Variants in RAVER2 observed in about 807,000 individuals in gnomAD.
RAVER2 encodes ribonucleoprotein PTB-binding 2.
Under a neutral mutation model 78.1 loss-of-function variants are expected in RAVER2, and 46 were observed. The ratio of observed to expected loss-of-function variants is 0.59; its 90% CI spans 0.46 to 0.75. The LOEUF (loss-of-function observed/expected upper bound fraction) is 0.75, where lower values mean the gene tolerates loss of function less well. RAVER2 is among the 30% of genes least tolerant of loss of function. The probability of loss-of-function intolerance (pLI) is 0.00; values close to 1 mark genes in which losing one functional copy is unlikely to be tolerated. For synonymous variants in RAVER2, 311 were observed against 313.3 expected (o/e 0.99, Z 0.08); for missense variants, 793 against 837.5 (o/e 0.95, Z 0.66).
chr1:64,781,243 T>C (rs1652616593), intron 3 of RAVER2, 137 bp from the exon 4 acceptor site: 1 of 787,238 alleles, frequency 1.3e-6, no homozygotes. Flanking sequence ...GTAAACATTT[T>C]CATAAAGAAA....
chr1:64,783,408 T>TTTAATGA (rs1420221414), intron 4 of RAVER2, among the ~76,000 whole-genome samples: 20 of 152,238 alleles, frequency 1.3e-4, no homozygotes, highest in Non-Finnish European at 8.8e-5. Flanking sequence ...TTCCTGACTT[T>TTTAATGA]TTAATGATCG....
intron 5 of RAVER2, among the ~76,000 whole-genome samples, chr1:64,794,759 T>C (rs1038847981): frequency 2.0e-5 from 3 of 152,150 alleles, no homozygotes; most frequent in Non-Finnish European, 4.4e-5. Context: ...CTCTGTTGGA[T>C]ATATGGTTTG....
intron 1 of RAVER2, among the ~76,000 whole-genome samples, chr1:64,755,104 A>G (rs1186223487): frequency 1.3e-5 from 2 of 152,202 alleles, no homozygotes; most frequent in African/African-American, 4.8e-5. Flanking sequence ...ACAATGTAAT[A>G]TTTCCTCCTT....
intron 6 of RAVER2, among the ~76,000 whole-genome samples, chr1:64,804,177 G>T (rs192457565): frequency 6.6e-6 from 1 of 152,240 alleles, no homozygotes; most frequent in African/African-American, 2.4e-5. Context: ...ACAGCCTTCA[G>T]ATTGCAGTAC....
chr1:64,772,270 T>C (rs922415585), intron 2 of RAVER2, among the ~76,000 whole-genome samples: 2 of 152,158 alleles, frequency 1.3e-5, no homozygotes, highest in Admixed American at 6.6e-5. Flanking sequence ...TTCCCTACTG[T>C]CTGAACTTTT....
intron 2 of RAVER2, among the ~76,000 whole-genome samples, chr1:64,775,585 GT>G (rs1652438495): frequency 6.6e-6 from 1 of 152,176 alleles, no homozygotes; most frequent in Non-Finnish European, 1.5e-5. Flanking sequence ...CCACACAGGT[GT>G]TACTGTGTGT....
intron 5 of RAVER2, among the ~76,000 whole-genome samples, chr1:64,794,966 A>G (rs545893574): frequency 2.0e-5 from 3 of 152,038 alleles, no homozygotes; most frequent in Non-Finnish European, 2.9e-5. Context: ...ATTTAGGTCT[A>G]TGATCTATTT....
intron 11 of RAVER2, among the ~76,000 whole-genome samples, chr1:64,828,595 C>T (rs930052303): frequency 7.9e-5 from 12 of 151,712 alleles, no homozygotes; most frequent in Admixed American, 5.3e-4. Context: ...TTTGATAGGG[C>T]GTATCAGAAG....
intron 5 of RAVER2, among the ~76,000 whole-genome samples, chr1:64,791,862 A>C (rs1341948445): frequency 6.6e-6 from 1 of 152,198 alleles, no homozygotes; most frequent in African/African-American, 2.4e-5. Context: ...TCCTTCTTGC[A>C]TAATAAAAGC....
At chr1:64,830,733 T>C in intron 11 of RAVER2, 106 bp from the exon 12 acceptor site, 1 of 1,025,062 alleles carries the variant, frequency 9.8e-7, no homozygotes, top group Non-Finnish European at 1.4e-6. Context: ...TTTATCCTGT[T>C]ATTCTATATT....
At chr1:64,814,058 G>A (rs974602750) in intron 10 of RAVER2, among the ~76,000 whole-genome samples, 1 of 151,828 alleles carries the variant, frequency 6.6e-6, no homozygotes, top group African/African-American at 2.4e-5. Flanking sequence ...CGAGTAGGTG[G>A]GACTACAGGC....
At chr1:64,774,086 G>A (rs561791898) in intron 2 of RAVER2, among the ~76,000 whole-genome samples, 3 of 152,252 alleles carry the variant, frequency 2.0e-5, no homozygotes, top group Non-Finnish European at 4.4e-5. Context: ...TTAGCCCTTT[G>A]TCAGATGGAT....
intron 11 of RAVER2, among the ~76,000 whole-genome samples, chr1:64,826,713 T>C (rs1191558465): frequency 6.6e-6 from 1 of 152,146 alleles, no homozygotes; most frequent in Non-Finnish European, 1.5e-5. Context: ...CTAGCTGCTG[T>C]GTTAAATAAT....
intron 11 of RAVER2, among the ~76,000 whole-genome samples, chr1:64,820,694 A>G (rs996111113): frequency 3.3e-5 from 5 of 152,200 alleles, no homozygotes; most frequent in African/African-American, 1.2e-4. Flanking sequence ...TTAGTTTCCT[A>G]AGGATAAAAG....
chr1:64,792,915 A>G (rs1652983287), intron 5 of RAVER2, among the ~76,000 whole-genome samples: 2 of 152,200 alleles, frequency 1.3e-5, no homozygotes, highest in African/African-American at 4.8e-5. Flanking sequence ...AAGAATTGTA[A>G]TTCTTGGCTG....
At chr1:64,832,990 CAAAG>C (rs1557612260) in exon 12 of RAVER2, 1 of 168,868 alleles carries the variant, frequency 5.9e-6, no homozygotes, top group Non-Finnish European at 1.3e-5. Context: ...AACAAACAAA[CAAAG>C]GTGTCTGGAC....
chr1:64,794,688 A>C lies in RAVER2; in HGVS notation c.1105+5174A>C, dbSNP rs1653047474. Among the ~76,000 whole-genome samples, 3 of 152,238 alleles carry C rather than the reference A, an allele frequency of 2.0e-5. No homozygotes were observed. The South Asian group carries it at 6.2e-4, about 32-fold the overall frequency. On this transcript the variant is annotated intron_variant, in intron 5 of 11. Transcript: ENST00000294428. Reference sequence around the variant, plus strand: ...TTTCAAATATTTTGCACGTGTTAAAAACTGAGTTGTTTGTCTTCTTATCAA... The same window carrying C: ...TTTCAAATATTTTGCACGTGTTAAACACTGAGTTGTTTGTCTTCTTATCAA...
intron 1 of RAVER2, among the ~76,000 whole-genome samples, chr1:64,763,881 C>G (rs369289583): frequency 6.7e-6 from 1 of 149,950 alleles, no homozygotes; most frequent in Non-Finnish European, 1.5e-5. Context: ...CCAGCCTGGA[C>G]GACAAGAGTG....
Position 64,781,368 on chromosome 1 carries a change from G to A in RAVER2, c.787-12G>A, listed in dbSNP as rs1652621118. 6.4e-7 allele frequency: 1 copy of A among 1,561,800 alleles called. No homozygotes were observed. The highest frequency in any genetic ancestry group is 8.7e-7 in the Non-Finnish European group (1 of 1,152,356). ...GATCGGAATTACTGTTTAATAGAAT[G>A]TATTGTATCAGCTTGCACAGGATGA... On this transcript the variant is annotated splice_polypyrimidine_tract_variant and intron_variant, in intron 3 of 11. Coordinates refer to ENST00000294428, the Ensembl canonical transcript of RAVER2.
Sources: gnomAD v4.1 joint callset for allele counts (sites outside exome capture counted in the v4.1 genomes callset) on GRCh38, gnomAD v4.1.1 for gene constraint, MANE v1.5 for transcripts, NCBI Gene and HGNC (gene_info 2026-07-23, HGNC 2026-07-21) for gene names.